Variants in LPP observed in about 807,000 individuals in gnomAD.
The protein encoded by LPP is lipoma-preferred partner.
Under a neutral mutation model 60.4 loss-of-function variants are expected in LPP, and 38 were observed. The ratio of observed to expected loss-of-function variants is 0.63; its 90% CI spans 0.49 to 0.83. The LOEUF (loss-of-function observed/expected upper bound fraction) is 0.83, where lower values mean the gene tolerates loss of function less well. Among genes scored for constraint, LPP ranks in the 40% least tolerant of loss-of-function variants. The pLI, the probability that LPP is intolerant of heterozygous loss-of-function variation, is 0.00. For synonymous variants in LPP, 328 were observed against 290.8 expected, an observed-to-expected ratio of 1.13 and a Z score of -1.30; for missense variants, 902 against 783.6, an observed-to-expected ratio of 1.15 and a Z score of -1.80.
intron 3 of LPP, among the ~76,000 whole-genome samples, chr3:188,370,205 C>T (rs888241604): frequency 8.5e-5 from 13 of 152,150 alleles, no homozygotes; most frequent in African/African-American, 1.2e-4. Context: ...GGATTACAGG[C>T]GTGAGTCACC....
At chr3:188,720,262 G>A (rs908366588) in intron 8 of LPP, among the ~76,000 whole-genome samples, 7 of 152,138 alleles carry the variant, frequency 4.6e-5, no homozygotes, top group African/African-American at 1.2e-4. Flanking sequence ...TTTATTGAGT[G>A]CCTACTACTC....
chr3:188,886,137 T>C lies in LPP; in HGVS notation c.*11658T>C, dbSNP rs1219647971. The stretch of plus-strand genomic sequence containing the variant: ...GGACACAGGAAGGGGAACATCACAC[T>C]CTGGGGACTGTTGTGGGGTGGAGGG... On this transcript the variant is annotated 3_prime_UTR_variant, in exon 12 of 12. Coordinates refer to ENST00000617246, the MANE Select transcript of LPP (RefSeq NM_001375462.1). 6.7e-6 allele frequency: 1 copy of C among 149,220 alleles called. No individual in the cohort carries two copies. The highest frequency in any genetic ancestry group is 2.0e-4 in the East Asian group (1 of 5,044). The allele number at this position is 149,220 out of a possible 1,614,324, so 9.2% of individuals were successfully genotyped here. A position where few individuals can be genotyped will look rare whatever the true frequency, so the allele number is the denominator to read the frequency against.
intron 7 of LPP, among the ~76,000 whole-genome samples, chr3:188,696,885 CTAAT>C (rs1863359581): frequency 6.6e-6 from 1 of 152,072 alleles, no homozygotes; most frequent in Non-Finnish European, 1.5e-5. Flanking sequence ...GCTTTAATGC[CTAAT>C]TAATTACTAT....
chr3:188,618,233 GTGTT>G (rs1289819931), intron 7 of LPP, among the ~76,000 whole-genome samples: 1 of 152,184 alleles, frequency 6.6e-6, no homozygotes, highest in Non-Finnish European at 1.5e-5. Context: ...AAATGATACA[GTGTT>G]TGATCTGTTT....
chr3:188,739,427 T>C (rs1723650607), intron 8 of LPP, among the ~76,000 whole-genome samples: 1 of 152,034 alleles, frequency 6.6e-6, no homozygotes, highest in South Asian at 2.1e-4. Flanking sequence ...CAGAAATAAC[T>C]CAAGCAAAGG....
In LPP at chr3:188,515,277, G is replaced by A. The variant is rs558807091; in HGVS notation, c.307-9388G>A. 2.0e-4 allele frequency among the ~76,000 whole-genome samples: 31 copies of A among 152,070 alleles called. No individual in the cohort carries two copies. The South Asian group carries it at 4.6e-3, about 22-fold the overall frequency. ...GAGATCTGGTTGTTTAGAGAGTGTG[G>A]TACCTCTCCCCAAGCCTTGTTCCTC... On this transcript the variant is annotated intron_variant, in intron 5 of 11. Coordinates refer to ENST00000617246, the MANE Select transcript of LPP (RefSeq NM_001375462.1).
chr3:188,209,679 T>C (rs1734192746), intron 1 of LPP, among the ~76,000 whole-genome samples: 2 of 152,212 alleles, frequency 1.3e-5, no homozygotes, highest in South Asian at 4.1e-4. Context: ...TCTGCATCCC[T>C]GAGCTTCATC....
At chr3:188,499,716 TA>T (rs1340509453) in intron 5 of LPP, among the ~76,000 whole-genome samples, 1 of 152,204 alleles carries the variant, frequency 6.6e-6, no homozygotes, top group Non-Finnish European at 1.5e-5. Context: ...ACATCTTAGT[TA>T]TATTAAGTCT....
chr3:188,869,620 A>T (rs544219471), intron 10 of LPP, among the ~76,000 whole-genome samples: 1 of 152,278 alleles, frequency 6.6e-6, no homozygotes, highest in Admixed American at 6.5e-5. Context: ...AGTGCTTCCC[A>T]AACTTTAATG....
At chr3:188,641,599 G>A (rs1157618659) in intron 7 of LPP, among the ~76,000 whole-genome samples, 3 of 152,172 alleles carry the variant, frequency 2.0e-5, no homozygotes, top group African/African-American at 4.8e-5. Context: ...AGCAGGATGC[G>A]TATCCCATTT....
intron 1 of LPP, among the ~76,000 whole-genome samples, chr3:188,198,241 C>T (rs1285393607): frequency 6.6e-6 from 1 of 152,154 alleles, no homozygotes; most frequent in Non-Finnish European, 1.5e-5. Flanking sequence ...GGCCACCAGC[C>T]AGTGACAGAG....
At chr3:188,427,627 T>C (rs1396670868) in intron 4 of LPP, among the ~76,000 whole-genome samples, 1 of 152,204 alleles carries the variant, frequency 6.6e-6, no homozygotes, top group African/African-American at 2.4e-5. Context: ...GAGGAATCTA[T>C]AGCGGCAGTC....
chr3:188,227,001 A>G (rs980881535), intron 2 of LPP, among the ~76,000 whole-genome samples: 7 of 152,182 alleles, frequency 4.6e-5, no homozygotes, highest in African/African-American at 1.7e-4. Flanking sequence ...GTATCAAATG[A>G]AAAATCTTTG....
intron 5 of LPP, among the ~76,000 whole-genome samples, chr3:188,493,658 A>T (rs548291557): frequency 6.6e-6 from 1 of 152,036 alleles, no homozygotes; most frequent in Non-Finnish European, 1.5e-5. Context: ...GGCCAGGCTG[A>T]TCTTGAACTC....
chr3:188,429,308 A>G (rs1790305175), intron 4 of LPP, among the ~76,000 whole-genome samples: 1 of 152,138 alleles, frequency 6.6e-6, no homozygotes, highest in Admixed American at 6.6e-5. Context: ...TGCAGAGAAA[A>G]TGCACCTTAA....
chr3:188,278,983 G>A (rs1159397638), intron 2 of LPP, among the ~76,000 whole-genome samples: 3 of 152,146 alleles, frequency 2.0e-5, no homozygotes, highest in African/African-American at 7.2e-5. Context: ...GTTTTTAATA[G>A]CCCCTGGAGG....
intron 4 of LPP, among the ~76,000 whole-genome samples, chr3:188,446,860 T>C (rs1024635554): frequency 6.6e-6 from 1 of 152,238 alleles, no homozygotes; most frequent in Non-Finnish European, 1.5e-5. Flanking sequence ...TTTGTAAGCT[T>C]TCTAGAAATG....
At chr3:188,276,703 CTCTCTCTCTCTCTCTCTCTCTG>C (rs1739933393) in intron 2 of LPP, among the ~76,000 whole-genome samples, 4 of 112,918 alleles carry the variant, frequency 3.5e-5, no homozygotes, top group African/African-American at 1.2e-4. Context: ...CTTTCTCTCT[CTCTCTCTCTCTCTCTCTCTCTG>C]TCTGTCCTCC....
intron 6 of LPP, among the ~76,000 whole-genome samples, chr3:188,532,246 A>AAAACAAAC (rs112631541): frequency 0.013 from 1,952 of 151,910 alleles, 46 homozygotes; most frequent in African/African-American, 0.045. Flanking sequence ...AGCTCTACTA[A>AAAACAAAC]AAACAAACAA....
Sources: allele counts gnomAD v4.1 joint callset (sites outside exome capture counted in the v4.1 genomes callset), GRCh38; gene constraint gnomAD v4.1.1; transcripts MANE v1.5; gene names NCBI Gene and HGNC (gene_info 2026-07-23, HGNC 2026-07-21).